Variants in MYO1H observed in about 807,000 individuals in gnomAD.
MYO1H encodes the protein unconventional myosin-Ih.
Under a neutral mutation model 149.3 loss-of-function variants are expected in MYO1H, and 118 were observed. That is an observed-to-expected ratio of 0.79 (90% CI 0.68 to 0.92). The LOEUF is 0.92. Among genes scored for constraint, MYO1H ranks in the 40% least tolerant of loss-of-function variants. MYO1H has a pLI of 0.00. For missense variants in MYO1H, 1,212 were observed against 1,280.7 expected, an observed-to-expected ratio of 0.95 and a Z score of 0.82; for synonymous variants, 447 against 465.2, an observed-to-expected ratio of 0.96 and a Z score of 0.50.
chr12:109,445,114 T>C (rs1872422914), intron 30 of MYO1H, among the ~76,000 whole-genome samples: 2 of 152,206 alleles, frequency 1.3e-5, no homozygotes. Context: ...CCTCATCCTG[T>C]GCTGTTCCAA....
chr12:109,403,889 A>C, intron 6 of MYO1H, 93 bp from the exon 7 acceptor site: 2 of 790,572 alleles, frequency 2.5e-6, no homozygotes, highest in Non-Finnish European at 4.3e-6. Context: ...AGTACATTAT[A>C]TAGGACTAGC....
At chr12:109,398,741 CAAAAAAAAAAAAAA>C (rs35031072) in intron 5 of MYO1H, among the ~76,000 whole-genome samples, 2 of 51,994 alleles carry the variant, frequency 3.8e-5, no homozygotes, top group Non-Finnish European at 6.9e-5. Context: ...AACTTCCTCT[CAAAAAAAAAAAAAA>C]AAAAAAAAAA....
chr12:109,331,392 G>A, the MYO1H span, among the ~76,000 whole-genome samples: 3 of 151,796 alleles, frequency 2.0e-5, no homozygotes, highest in Non-Finnish European at 4.4e-5. Context: ...GGCCTTTTGG[G>A]GACTTGCTTC....
chr12:109,310,701 G>C, the MYO1H span, among the ~76,000 whole-genome samples: 1 of 152,134 alleles, frequency 6.6e-6, no homozygotes, highest in African/African-American at 2.4e-5. Flanking sequence ...TTCTATTCAG[G>C]TGGGCTGTGA....
chr12:109,426,053 T>C lies in MYO1H; in HGVS notation c.1831+2T>C, dbSNP rs957313743. 4.4e-6 allele frequency: 7 copies of C among 1,607,806 alleles called. No individual in the cohort carries two copies. The highest frequency in any genetic ancestry group is 6.0e-6 in the Non-Finnish European group (7 of 1,174,828). Reference sequence around the variant, plus strand: ...AGCCCAACGACAGGAAAGAACCCAGTGAGTTGTGGATCATTATGAACTGGG... The same window carrying C: ...AGCCCAACGACAGGAAAGAACCCAGCGAGTTGTGGATCATTATGAACTGGG... On this transcript the variant is annotated splice_donor_variant, in intron 18 of 31. Coordinates refer to ENST00000310903, the Ensembl canonical transcript of MYO1H. LOFTEE classifies it high-confidence loss of function.
At chr12:109,322,874 C>T in the MYO1H span, among the ~76,000 whole-genome samples, 32 of 150,002 alleles carry the variant, frequency 2.1e-4, no homozygotes, top group Non-Finnish European at 3.4e-4. Context: ...TTTAGGAGGC[C>T]GAGGCAGGCA....
intron 1 of MYO1H, among the ~76,000 whole-genome samples, chr12:109,350,023 G>A (rs1460933729): frequency 6.6e-6 from 1 of 150,498 alleles, no homozygotes; most frequent in Non-Finnish European, 1.5e-5. Flanking sequence ...TATTAGAGAT[G>A]GAACCATTCA....
the MYO1H span, among the ~76,000 whole-genome samples, chr12:109,335,129 A>G: frequency 6.6e-6 from 1 of 152,204 alleles, no homozygotes; most frequent in Non-Finnish European, 1.5e-5. Flanking sequence ...GTCTATTATA[A>G]TAATATGTCA....
chr12:109,446,506 A>T (rs757261718), intron 31 of MYO1H: 868 of 978,472 alleles, frequency 8.9e-4, no homozygotes, highest in Non-Finnish European at 1.0e-3. Context: ...GCTCACGCCT[A>T]TAATCCCAGC....
chr12:109,363,733 G>A (rs552268209), intron 1 of MYO1H, among the ~76,000 whole-genome samples: 15 of 152,036 alleles, frequency 9.9e-5, no homozygotes, highest in Middle Eastern at 3.4e-3. Flanking sequence ...AAGAAGACGC[G>A]TCTTGCTGGC....
At chr12:109,346,764 G>GA (rs1418663915), upstream of MYO1H, among the ~76,000 whole-genome samples, 3 of 151,344 alleles carry the variant, frequency 2.0e-5, no homozygotes, top group Non-Finnish European at 4.4e-5. Context: ...TCCATCTCAA[G>GA]AAAAAAATAA....
chr12:109,318,328 T>C, the MYO1H span, among the ~76,000 whole-genome samples: 1 of 152,216 alleles, frequency 6.6e-6, no homozygotes, highest in Admixed American at 6.5e-5. Context: ...CTTATAAATG[T>C]AGCTGCTCCT....
At chr12:109,347,741 T>C (rs927144740), upstream of MYO1H, among the ~76,000 whole-genome samples, 1 of 152,104 alleles carries the variant, frequency 6.6e-6, no homozygotes, top group African/African-American at 2.4e-5. Flanking sequence ...CCAGTTCTTA[T>C]CTCCCTGGAG....
At position 109,443,699 on chromosome 12, in the gene MYO1H, T is replaced by C. The variant is rs769802870; in HGVS notation, c.2824+50T>C. 3.2e-5 allele frequency: 51 copies of C among 1,604,020 alleles called. 1 individual carries two copies. In the South Asian group the frequency reaches 5.4e-4, roughly 17 times the overall value. On this transcript the variant is annotated intron_variant, in intron 28 of 31. Transcript: ENST00000310903. ...CAATGCACTGAGTTGACTCAACTACTGGAAAGCCCAGTAATGAAGCTCCCA... is the reference window on the plus strand; with the variant it reads ...CAATGCACTGAGTTGACTCAACTACCGGAAAGCCCAGTAATGAAGCTCCCA...
Position 109,396,372 on chromosome 12 carries a change from C to T in MYO1H, c.291-12C>T. The T allele has an allele frequency of 6.3e-7, 1 of 1,591,154 alleles. No individual in the cohort carries two copies. The highest frequency in any genetic ancestry group is 2.3e-5 in the East Asian group (1 of 44,412). On this transcript the variant is annotated splice_polypyrimidine_tract_variant and intron_variant, in intron 3 of 31. Coordinates refer to ENST00000310903, the Ensembl canonical transcript of MYO1H. Reference sequence around the variant, plus strand: ...TTAAAACGAATTTGTTTCCGTCTCACTCCTCCTCCAGCTACGCTATAGCCG... The same window carrying T: ...TTAAAACGAATTTGTTTCCGTCTCATTCCTCCTCCAGCTACGCTATAGCCG...
At chr12:109,409,257 T>C (rs1353805004) in intron 10 of MYO1H, among the ~76,000 whole-genome samples, 24 of 106,864 alleles carry the variant, frequency 2.2e-4, no homozygotes, top group African/African-American at 5.3e-4. Context: ...TTTTTTTTTT[T>C]TTTTTTTTTT....
chr12:109,313,937 T>G, the MYO1H span, among the ~76,000 whole-genome samples: 1 of 152,282 alleles, frequency 6.6e-6, no homozygotes, highest in Non-Finnish European at 1.5e-5. Flanking sequence ...CAGTCTGGAG[T>G]GCAGTGGTGG....
Position 109,409,246 on chromosome 12 carries a change from C to CTTTTTTTTTTTTTTTT in MYO1H, c.1156-298_1156-283dup, listed in dbSNP as rs66507410. On this transcript the variant is annotated intron_variant, in intron 10 of 31. Transcript: ENST00000310903. ...TCTTTTTCTTCTTCTTCTTCTTCTT[C>CTTTTTTTTTTTTTTTT]TTTTTTTTTTTTTTTTTTTTTTTTT... is the stretch of plus-strand genomic sequence containing the variant. Among the ~76,000 whole-genome samples the CTTTTTTTTTTTTTTTT allele has an allele frequency of 5.0e-4, 24 of 47,856 alleles. 1 individual carries two copies. The highest frequency in any genetic ancestry group is 1.8e-3 in the East Asian group (2 of 1,138). 31.4% of individuals were successfully genotyped at this position (47,856 alleles called of 152,430 possible). A position where few individuals can be genotyped will look rare whatever the true frequency, so the allele number is the denominator to read the frequency against.
At chr12:109,358,846 TAAAAAAA>T (rs541289093) in intron 1 of MYO1H, among the ~76,000 whole-genome samples, 12 of 84,558 alleles carry the variant, frequency 1.4e-4, no homozygotes, top group African/African-American at 6.7e-4. Context: ...CCTGTGGTGT[TAAAAAAA>T]AAAAAAAAAA....
Sources: gnomAD v4.1 joint callset for allele counts (sites outside exome capture counted in the v4.1 genomes callset) on GRCh38, gnomAD v4.1.1 for gene constraint, MANE v1.5 for transcripts, NCBI Gene and HGNC (gene_info 2026-07-23, HGNC 2026-07-21) for gene names.